SKI: variants seen among roughly 807,000 people sequenced by gnomAD.
The protein encoded by SKI is ski oncogene.
SKI carries 23 observed loss-of-function variants against 59.3 expected under a neutral mutation model. The ratio of observed to expected loss-of-function variants is 0.39; its 90% CI spans 0.28 to 0.55. The LOEUF (loss-of-function observed/expected upper bound fraction) is 0.55. SKI is among the 20% of genes least tolerant of loss of function. SKI has a pLI of 0.67. For synonymous variants in SKI, 673 were observed against 488.6 expected (o/e 1.38, Z -4.98); for missense variants, 1,017 against 1,038.9 (o/e 0.98, Z 0.29).
chr1:2,287,007 C>G (rs1213555465), intron 1 of SKI, among the ~76,000 whole-genome samples: 1 of 152,336 alleles, frequency 6.6e-6, no homozygotes, highest in African/African-American at 2.4e-5. Context: ...CCCACAAAGC[C>G]AGCTCTGGAT....
intron 1 of SKI, among the ~76,000 whole-genome samples, chr1:2,300,953 G>A (rs987862250): frequency 3.3e-5 from 5 of 152,216 alleles, no homozygotes; most frequent in African/African-American, 9.6e-5. Context: ...AGGCAGAGCC[G>A]TGTTCTCAGG....
At position 2,307,246 on chromosome 1, in the gene SKI, C is replaced by G. The variant is rs1640616750; in HGVS notation, c.*481C>G. ...TCATCTGCCCGCGGCTGCGTGAGGA[C>G]AGCAGGGGTTTTTCTTCAGAGTCTA... is the stretch of plus-strand genomic sequence containing the variant. On this transcript the variant is annotated 3_prime_UTR_variant, in exon 7 of 7. Transcript: ENST00000378536. The G allele has an allele frequency of 6.8e-6, 1 of 147,684 alleles. No homozygotes were observed. Among genetic ancestry groups the G allele is most frequent in the Non-Finnish European group, 1.5e-5 (1 of 67,038 alleles). 9.1% of individuals were successfully genotyped at this position (147,684 alleles called of 1,614,324 possible).
At position 2,309,621 on chromosome 1, in the gene SKI, G is replaced by C. The variant is rs932624204; in HGVS notation, c.*2856G>C. 1 of 151,654 alleles carries C rather than the reference G, an allele frequency of 6.6e-6. No individual in the cohort carries two copies. Among genetic ancestry groups the C allele is most frequent in the Non-Finnish European group, 1.5e-5 (1 of 67,940 alleles). The allele number at this position is 151,654 out of a possible 1,614,324, so 9.4% of individuals were successfully genotyped here. A position where few individuals can be genotyped will look rare whatever the true frequency, so the allele number is the denominator to read the frequency against. On this transcript the variant is annotated 3_prime_UTR_variant, in exon 7 of 7. Transcript: ENST00000378536. ...GCAGGGGAGACGGAGAAACCCATGT[G>C]CGTTTCCCATGTGACCCCCTCCTCC...
chr1:2,284,116 C>G (rs1353274251), intron 1 of SKI, among the ~76,000 whole-genome samples: 1 of 152,230 alleles, frequency 6.6e-6, no homozygotes. Flanking sequence ...GGTCCATCTC[C>G]TGTCCACATG....
intron 1 of SKI, among the ~76,000 whole-genome samples, chr1:2,288,582 CG>C (rs1640095565): frequency 6.6e-6 from 1 of 152,190 alleles, no homozygotes; most frequent in Non-Finnish European, 1.5e-5. Context: ...TTTGCATGCG[CG>C]TGAGACCCCC....
chr1:2,284,600 C>T (rs1467583348), intron 1 of SKI, among the ~76,000 whole-genome samples: 10 of 152,214 alleles, frequency 6.6e-5, no homozygotes, highest in African/African-American at 2.2e-4. Context: ...AGAATTCAAG[C>T]TCACACCGGC....
At chr1:2,274,873 GCTTCTT>G (rs1639706877) in intron 1 of SKI, among the ~76,000 whole-genome samples, 1 of 152,216 alleles carries the variant, frequency 6.6e-6, no homozygotes, top group African/African-American at 2.4e-5. Context: ...CCCCCTCCTG[GCTTCTT>G]GCTCTCAGCA....
At position 2,299,935 on chromosome 1, in the gene SKI, C is replaced by T. The variant is rs753782177; in HGVS notation, c.970-3043C>T. ...TGCTTGTGGCAGTGTACTGTGGCTGCCCAGTCCTCGGCAGGCATCCACTGC... is the reference window on the plus strand; with the variant it reads ...TGCTTGTGGCAGTGTACTGTGGCTGTCCAGTCCTCGGCAGGCATCCACTGC... On this transcript the variant is annotated intron_variant, in intron 1 of 6. Coordinates refer to ENST00000378536, the MANE Select transcript of SKI (RefSeq NM_003036.4). 9.2e-5 allele frequency among the ~76,000 whole-genome samples: 14 copies of T among 152,148 alleles called. 1 individual carries two copies. Among genetic ancestry groups the T allele is most frequent in the Non-Finnish European group, 1.8e-4 (12 of 68,026 alleles).
intron 1 of SKI, among the ~76,000 whole-genome samples, chr1:2,265,586 A>G (rs1639486128): frequency 6.6e-6 from 1 of 151,912 alleles, no homozygotes; most frequent in Non-Finnish European, 1.5e-5. Context: ...TGGATGGATG[A>G]TTTTCTTCAT....
chr1:2,287,624 G>A (rs928729237), intron 1 of SKI, among the ~76,000 whole-genome samples: 1 of 152,160 alleles, frequency 6.6e-6, no homozygotes, highest in Non-Finnish European at 1.5e-5. Context: ...CTGTGGGTGG[G>A]GGTGGTCTCT....
At chr1:2,252,772 C>T (rs974863187) in intron 1 of SKI, among the ~76,000 whole-genome samples, 4 of 152,068 alleles carry the variant, frequency 2.6e-5, no homozygotes, top group African/African-American at 7.2e-5. Flanking sequence ...CCAGCGCATC[C>T]GTGGAAGAGT....
In SKI at chr1:2,229,126, C is replaced by T. The variant is rs375024753; in HGVS notation, c.360C>T (p.Arg120=). ...ISCFVVGGEK[R]LCLPQILNSV... The stretch of plus-strand genomic sequence containing the variant: ...GCTTCGTGGTGGGAGGCGAGAAGCG[C>T]CTGTGTCTGCCGCAGATTCTCAACT... Residue 120 remains arginine (R), a synonymous_variant, in exon 1 of 7, where the codon CGC becomes CGT. Coordinates refer to ENST00000378536, the MANE Select transcript of SKI (RefSeq NM_003036.4). The surrounding 1 kb of genome is among the most constrained non-coding windows in gnomAD (Gnocchi z 6.3). The T allele has an allele frequency of 1.4e-4, 227 of 1,611,216 alleles. No homozygotes were observed. The highest frequency in any genetic ancestry group is 1.2e-3 in the Admixed American group (71 of 60,016).
At chr1:2,301,598 G>A (rs1640427011) in intron 1 of SKI, among the ~76,000 whole-genome samples, 1 of 152,206 alleles carries the variant, frequency 6.6e-6, no homozygotes, top group African/African-American at 2.4e-5. Context: ...CACCTTGATG[G>A]ACAGCCTGCC....
At chr1:2,290,818 CT>C (rs1230396558) in intron 1 of SKI, among the ~76,000 whole-genome samples, 4 of 152,228 alleles carry the variant, frequency 2.6e-5, no homozygotes, top group Non-Finnish European at 4.4e-5. Context: ...TCCTGCCGCT[CT>C]TACGAAACAC....
At chr1:2,257,685 C>T (rs1182245929) in intron 1 of SKI, among the ~76,000 whole-genome samples, 3 of 152,148 alleles carry the variant, frequency 2.0e-5, no homozygotes, top group Admixed American at 6.5e-5. Flanking sequence ...ATCTTCTTGA[C>T]ATGTTTCTCT....
chr1:2,233,931 C>T (rs1638697910), intron 1 of SKI, among the ~76,000 whole-genome samples: 1 of 152,204 alleles, frequency 6.6e-6, no homozygotes, highest in Non-Finnish European at 1.5e-5. Flanking sequence ...ACCCTCAGGT[C>T]CGGGGAGCAC....
intron 1 of SKI, among the ~76,000 whole-genome samples, chr1:2,236,887 C>T (rs186747564): frequency 5.9e-5 from 9 of 152,344 alleles, no homozygotes; most frequent in Admixed American, 3.3e-4. Flanking sequence ...TCTGCTGGAA[C>T]GTCGGCGGCT....
intron 1 of SKI, among the ~76,000 whole-genome samples, chr1:2,276,729 G>A (rs966347271): frequency 6.6e-6 from 1 of 152,234 alleles, no homozygotes; most frequent in Non-Finnish European, 1.5e-5. Flanking sequence ...GGCCTCCACT[G>A]TGAGTATGTG....
chr1:2,303,312 C>G lies in SKI; in HGVS notation c.1123C>G (p.Arg375Gly), dbSNP rs1038237858. 6.2e-7 allele frequency: 1 copy of G among 1,613,676 alleles called. No individual in the cohort carries two copies. The highest frequency in any genetic ancestry group is 8.5e-7 in the Non-Finnish European group (1 of 1,180,030). The change falls in exon 3 of 7, where the codon CGC (arginine) becomes GGC (glycine). Residue 375 changes from arginine to glycine, a missense_variant. Physicochemically the swap from Arg to Gly is moderately radical, Grantham distance 125 (BLOSUM62 -2). Transcript: ENST00000378536. This position sits in a 1 kb window ranked among gnomAD's most constrained non-coding sequence, Gnocchi z 5.6. Reference protein sequence around the residue: ...KSLGCVHPRQRLSAFRPWSPA... With the variant: ...KSLGCVHPRQGLSAFRPWSPA... ...CCTGGGCTGTGTTCACCCTCGCCAG[C>G]GCCTCTCTGCTTTCCGACCCTGGTC...
Sources: allele counts gnomAD v4.1 joint callset (sites outside exome capture counted in the v4.1 genomes callset), GRCh38; gene constraint gnomAD v4.1.1; non-coding constraint Gnocchi (gnomAD v3.1); transcripts MANE v1.5; gene names NCBI Gene and HGNC (gene_info 2026-07-23, HGNC 2026-07-21).